ADCY3: variants seen among roughly 807,000 people sequenced by gnomAD.
ADCY3 encodes adenylate cyclase type 3.
In ADCY3, 70 loss-of-function variants were observed where a neutral mutation model predicts 119.4. The ratio of observed to expected loss-of-function variants is 0.59; its 90% CI spans 0.48 to 0.72. The LOEUF (loss-of-function observed/expected upper bound fraction) is 0.72, where lower values mean the gene tolerates loss of function less well. Among genes scored for constraint, ADCY3 ranks in the 30% least tolerant of loss-of-function variants. ADCY3 has a pLI of 0.00. For synonymous variants in ADCY3, 672 were observed against 621.4 expected (o/e 1.08, Z -1.21); for missense variants, 1,238 against 1,541.6 (o/e 0.80, Z 3.30).
intron 7 of ADCY3, chr2:24,838,933 G>A (rs148412093): frequency 1.8e-5 from 26 of 1,469,984 alleles, no homozygotes; most frequent in East Asian, 5.9e-5. Flanking sequence ...GATCAAATGC[G>A]ATAAGGAATT....
At chr2:24,875,535 C>T (rs1215985780) in intron 2 of ADCY3, among the ~76,000 whole-genome samples, 1 of 152,264 alleles carries the variant, frequency 6.6e-6, no homozygotes, top group Non-Finnish European at 1.5e-5. Context: ...GCAGGAGCTG[C>T]GCTTGTGGTG....
intron 13 of ADCY3, among the ~76,000 whole-genome samples, chr2:24,828,559 C>G (rs1668953063): frequency 6.6e-6 from 1 of 152,226 alleles, no homozygotes; most frequent in South Asian, 2.1e-4. Context: ...ATGAGCCCCA[C>G]TCACAGCCTC....
intron 2 of ADCY3, among the ~76,000 whole-genome samples, chr2:24,907,204 C>A (rs7565460): frequency 6.6e-6 from 1 of 150,410 alleles, no homozygotes; most frequent in Non-Finnish European, 1.5e-5. Context: ...GAAACTGCCC[C>A]CAAGGGCAGT....
At chr2:24,896,859 G>A (rs1172929734) in intron 2 of ADCY3, among the ~76,000 whole-genome samples, 2 of 152,168 alleles carry the variant, frequency 1.3e-5, no homozygotes, top group Non-Finnish European at 2.9e-5. Flanking sequence ...AATCTCGCCA[G>A]TCTCCGTTTG....
At chr2:24,850,540 C>G (rs905336939) in intron 3 of ADCY3, among the ~76,000 whole-genome samples, 1 of 152,134 alleles carries the variant, frequency 6.6e-6, no homozygotes, top group Non-Finnish European at 1.5e-5. Context: ...CTTGGTCTCC[C>G]CAGCGTGGAA....
At chr2:24,911,299 T>C (rs1405831756) in intron 2 of ADCY3, among the ~76,000 whole-genome samples, 9 of 145,472 alleles carry the variant, frequency 6.2e-5, no homozygotes, top group Non-Finnish European at 1.3e-4. Context: ...GAGCTCACTG[T>C]AACTTCAAAC....
chr2:24,910,386 G>C (rs1663437966), intron 2 of ADCY3, among the ~76,000 whole-genome samples: 1 of 152,056 alleles, frequency 6.6e-6, no homozygotes, highest in Non-Finnish European at 1.5e-5. Flanking sequence ...GTAGAGACAA[G>C]AGTTTTGCCA....
Position 24,898,679 on chromosome 2 carries a change from G to T in ADCY3, c.675+19634C>A, listed in dbSNP as rs1678564310. Among the ~76,000 whole-genome samples, 1 of 152,130 alleles carries T rather than the reference G, an allele frequency of 6.6e-6. No individual in the cohort carries two copies. The highest frequency in any genetic ancestry group is 2.1e-4 in the South Asian group (1 of 4,828). On this transcript the variant is annotated intron_variant, in intron 2 of 21. Coordinates refer to ENST00000679454, the MANE Select transcript of ADCY3 (RefSeq NM_004036.5). This position sits in a 1 kb window ranked among gnomAD's most constrained non-coding sequence, Gnocchi z 4.3. ...CAAAGCAAAGGAGCAGAAGCCACAG[G>T]TCCCAGGAAACCGCACAGCTCCCGG...
chr2:24,821,906 T>C, intron 19 of ADCY3: 1 of 416,834 alleles, frequency 2.4e-6, no homozygotes, highest in African/African-American at 2.0e-5. Flanking sequence ...CCCTTCACCT[T>C]GGCTGGGCCT....
At chr2:24,857,253 C>T (rs1449856004) in intron 3 of ADCY3, among the ~76,000 whole-genome samples, 1 of 152,272 alleles carries the variant, frequency 6.6e-6, no homozygotes, top group East Asian at 1.9e-4. Context: ...ACTGCAGTCT[C>T]AGGAGACAGC....
At chr2:24,876,963 C>T (rs1009841466) in intron 2 of ADCY3, among the ~76,000 whole-genome samples, 8 of 152,186 alleles carry the variant, frequency 5.3e-5, no homozygotes, top group Non-Finnish European at 1.0e-4. Flanking sequence ...TCCAGGGTGG[C>T]CCTTCCCCAC....
intron 13 of ADCY3, 104 bp from the exon 14 acceptor site, chr2:24,828,265 G>A (rs959092323): frequency 2.3e-5 from 32 of 1,383,710 alleles, no homozygotes; most frequent in Admixed American, 8.7e-5. Flanking sequence ...CACCTCCCGC[G>A]GCTCCCCCAG....
intron 2 of ADCY3, among the ~76,000 whole-genome samples, chr2:24,884,524 G>A (rs1249717373): frequency 1.6e-5 from 2 of 124,948 alleles, no homozygotes; most frequent in Non-Finnish European, 3.1e-5. Flanking sequence ...CACCCAGGCT[G>A]AAGTGCAGTG....
At chr2:24,831,942 A>C (rs111371818) in intron 11 of ADCY3, among the ~76,000 whole-genome samples, 193 bp from the exon 12 acceptor site, 589 of 54,694 alleles carry the variant, frequency 0.011, 4 homozygotes, top group African/African-American at 0.032. Context: ...TGGCCAGGGG[A>C]CAGCAGACAG....
chr2:24,882,867 G>C (rs56215558), intron 2 of ADCY3, among the ~76,000 whole-genome samples: 9,303 of 152,128 alleles, frequency 0.061, 380 homozygotes, highest in East Asian at 0.092. Context: ...GACCAGCCTG[G>C]GCAACTTGGT....
chr2:24,882,442 T>C (rs1276459451), intron 2 of ADCY3, among the ~76,000 whole-genome samples: 4 of 152,216 alleles, frequency 2.6e-5, no homozygotes, highest in South Asian at 2.1e-4. Flanking sequence ...TTACTCCAGA[T>C]GACTGAGAAC....
chr2:24,910,130 T>C (rs565948829), intron 2 of ADCY3, among the ~76,000 whole-genome samples: 47 of 152,326 alleles, frequency 3.1e-4, no homozygotes, highest in South Asian at 6.2e-4. Flanking sequence ...CCCCAGCCCA[T>C]GCCACGTGAA....
intron 21 of ADCY3, 105 bp downstream of exon 21, chr2:24,820,619 A>C: frequency 1.3e-6 from 2 of 1,544,914 alleles, no homozygotes; most frequent in Non-Finnish European, 8.8e-7. Context: ...CTCTGGACTT[A>C]CTGTTCAGGG....
chr2:24,877,690 A>G (rs1675886017), intron 2 of ADCY3, among the ~76,000 whole-genome samples: 1 of 152,228 alleles, frequency 6.6e-6, no homozygotes, highest in South Asian at 2.1e-4. Flanking sequence ...TGAGTGGCAC[A>G]CAGGAGACTC....
Sources: gnomAD v4.1 joint callset for allele counts (sites outside exome capture counted in the v4.1 genomes callset) on GRCh38, gnomAD v4.1.1 for gene constraint, Gnocchi (gnomAD v3.1) non-coding constraint, MANE v1.5 for transcripts, NCBI Gene and HGNC (gene_info 2026-07-23, HGNC 2026-07-21) for gene names.